LRIG2: variants seen among roughly 807,000 people sequenced by gnomAD.
LRIG2 encodes the protein leucine rich repeats and immunoglobulin like domains 2, also known as leucine-rich repeats and immunoglobulin-like domains protein 2.
Under a neutral mutation model 107.8 loss-of-function variants are expected in LRIG2, and 93 were observed. That is an observed-to-expected ratio of 0.86 (90% CI 0.73 to 1.03). The LOEUF is 1.03. Ranked by LOEUF, LRIG2 falls within the 50% of genes least tolerant of loss-of-function variation. The pLI is 0.00. For synonymous variants in LRIG2, 471 were observed against 470.6 expected, an observed-to-expected ratio of 1.00 and a Z score of -0.01; for missense variants, 1,226 against 1,296.0, an observed-to-expected ratio of 0.95 and a Z score of 0.83.
chr1:113,098,656 G>C (rs958874614), intron 8 of LRIG2, 49 bp from the exon 9 acceptor site: 1 of 1,099,490 alleles, frequency 9.1e-7, no homozygotes, highest in South Asian at 1.2e-5. Context: ...TCAATGTTGT[G>C]ATGGTTGTAT....
At position 113,098,058 on chromosome 1, in the gene LRIG2, G is replaced by A. The variant is rs564991984; in HGVS notation, c.1092-647G>A. ...AGCGATTAAATATTTTTAATTATAT[G>A]GAAATAATTCTTTTATCATAACATG... On this transcript the variant is annotated intron_variant, in intron 8 of 17. Coordinates refer to ENST00000361127, the MANE Select transcript of LRIG2 (RefSeq NM_014813.3). Among the ~76,000 whole-genome samples, 20 of 152,210 alleles carry A rather than the reference G, an allele frequency of 1.3e-4. 1 individual carries two copies. The South Asian group carries it at 4.1e-3, about 32-fold the overall frequency.
chr1:113,092,565 C>CTTTG (rs113085371), intron 2 of LRIG2, among the ~76,000 whole-genome samples: 139,083 of 152,090 alleles, frequency 0.91, 64,464 homozygotes, highest in Non-Finnish European at 0.98. Context: ...ATTATGCCTT[C>CTTTG]TTTAAGGACT....
intron 1 of LRIG2, among the ~76,000 whole-genome samples, chr1:113,083,001 C>G (rs925978272): frequency 7.9e-5 from 12 of 151,728 alleles, no homozygotes; most frequent in Non-Finnish European, 1.2e-4. Context: ...CTCAACCTCC[C>G]TGGGCTTTGA....
At position 113,118,910 on chromosome 1, in the gene LRIG2, C is replaced by T. The variant is rs534105645; in HGVS notation, c.2681-323C>T. The stretch of plus-strand genomic sequence containing the variant: ...AGATCTCCTTACCTTGTGATCTGCC[C>T]GCCTCGGCCTCCCAAAGTGCTGGGA... On this transcript the variant is annotated intron_variant, in intron 16 of 17. Transcript: ENST00000361127. Among the ~76,000 whole-genome samples, 259 of 152,084 alleles carry T rather than the reference C, an allele frequency of 1.7e-3. 1 individual carries two copies. The highest frequency in any genetic ancestry group is 3.0e-3 in the Non-Finnish European group (201 of 67,972).
Position 113,094,640 on chromosome 1 carries a change from G to A in LRIG2, c.688G>A (p.Val230Met). The change falls in exon 6 of 18, where the codon GTG becomes ATG. Residue 230 changes from valine to methionine, a missense_variant. Coordinates refer to ENST00000361127, the MANE Select transcript of LRIG2 (RefSeq NM_014813.3). The part of the protein sequence containing the change: ...LELKRNRIKI[V>M]EGLTFQGLDS... ...ACTTAAAAGAAACAGAATTAAAATT[G>A]TGGAAGGTCTTACATTCCAAGGGCT... 6.2e-7 allele frequency: 1 copy of A among 1,613,250 alleles called. No individual in the cohort carries two copies. Among genetic ancestry groups the A allele is most frequent in the Non-Finnish European group, 8.5e-7 (1 of 1,179,576 alleles).
At chr1:113,112,800 T>A in intron 14 of LRIG2, 40 bp downstream of exon 14, 1 of 1,546,684 alleles carries the variant, frequency 6.5e-7, no homozygotes, top group Non-Finnish European at 8.8e-7. Flanking sequence ...TTTGTTGGAG[T>A]CTTTGGGAGC....
intron 1 of LRIG2, among the ~76,000 whole-genome samples, chr1:113,075,317 C>T (rs958969969): frequency 1.3e-5 from 2 of 151,942 alleles, no homozygotes; most frequent in African/African-American, 2.4e-5. Context: ...AGAGGTGTTG[C>T]GGAGTTTAAG....
chr1:113,098,810 G>T, intron 9 of LRIG2, 25 bp downstream of exon 9: 1 of 1,314,534 alleles, frequency 7.6e-7, no homozygotes, highest in Non-Finnish European at 1.1e-6. Context: ...ATTTATGTAT[G>T]TCTACATAGG....
rs796604401 is a variant in LRIG2 at position 113,081,445 on chromosome 1, C to T, written c.239+7800C>T. Among the ~76,000 whole-genome samples, 60 of 151,480 alleles carry T rather than the reference C, an allele frequency of 4.0e-4. 1 individual carries two copies. The highest frequency in any genetic ancestry group is 1.3e-3 in the African/African-American group (53 of 41,248). On this transcript the variant is annotated intron_variant, in intron 1 of 17. Transcript: ENST00000361127. ...TTTTTGAGACAGAGTCCTGCTCTGTCGCCCAAGTAGCTGGGACTACAGGCA... is the reference window on the plus strand; with the variant it reads ...TTTTTGAGACAGAGTCCTGCTCTGTTGCCCAAGTAGCTGGGACTACAGGCA...
chr1:113,118,363 G>T (rs528973294), intron 16 of LRIG2, among the ~76,000 whole-genome samples: 6 of 152,210 alleles, frequency 3.9e-5, no homozygotes, highest in East Asian at 1.9e-4. Context: ...TGTCAGGCAG[G>T]ACTTCTCATT....
Position 113,095,917 on chromosome 1 carries a change from T to C in LRIG2, c.847T>C (p.Leu283=). 1 of 1,614,132 alleles carries C rather than the reference T, an allele frequency of 6.2e-7. No individual in the cohort carries two copies. The highest frequency in any genetic ancestry group is 8.5e-7 in the Non-Finnish European group (1 of 1,180,026). The change falls in exon 7 of 18, where the codon TTG becomes CTG. Residue 283 remains leucine, a synonymous_variant. Transcript: ENST00000361127. ...NNLTRVNKGW[L]YGLRMLQQLY... ...CCTTACACGAGTAAACAAGGGGTGG[T>C]TGTATGGCTTGCGAATGTTACAGCA...
intron 14 of LRIG2, 150 bp from the exon 15 acceptor site, chr1:113,114,277 G>T: frequency 1.8e-6 from 1 of 561,648 alleles, no homozygotes; most frequent in Non-Finnish European, 3.1e-6. Flanking sequence ...CTTTTTTCAG[G>T]ATTTTGTTCT....
intron 13 of LRIG2, among the ~76,000 whole-genome samples, chr1:113,112,072 A>T (rs559333208): frequency 6.9e-5 from 10 of 143,920 alleles, no homozygotes; most frequent in Admixed American, 2.2e-4. Flanking sequence ...ATCCTAGAAG[A>T]CACAGTCATC....
In LRIG2 at chr1:113,102,240, G is replaced by A. The variant is rs56274733; in HGVS notation, c.1313+1752G>A. ...TTAATCATCTTATTTCTCATTAGTCGTTCTCTTCATTTGTTCCAGTATTTT... is the reference window on the plus strand; with the variant it reads ...TTAATCATCTTATTTCTCATTAGTCATTCTCTTCATTTGTTCCAGTATTTT... On this transcript the variant is annotated intron_variant, in intron 11 of 17. Coordinates refer to ENST00000361127, the MANE Select transcript of LRIG2 (RefSeq NM_014813.3). 9.1e-3 allele frequency among the ~76,000 whole-genome samples: 1,364 copies of A among 149,424 alleles called. 22 individuals are homozygous for A. Among genetic ancestry groups the A allele is most frequent in the African/African-American group, 0.031 (1,279 of 40,702 alleles).
chr1:113,118,320 T>C (rs923833678), intron 16 of LRIG2, among the ~76,000 whole-genome samples: 1 of 152,222 alleles, frequency 6.6e-6, no homozygotes, highest in Non-Finnish European at 1.5e-5. Context: ...AGGGAGTTCA[T>C]TGTTAAACCT....
chr1:113,073,445 G>A lies in LRIG2; in HGVS notation c.39G>A (p.Leu13=), dbSNP rs2101005987. 1 of 1,614,158 alleles carries A rather than the reference G, an allele frequency of 6.2e-7. No homozygotes were observed. The highest frequency in any genetic ancestry group is 1.6e-4 in the Middle Eastern group (1 of 6,062). Residue 13 remains leucine, a synonymous_variant, in exon 1 of 18, where the codon TTG becomes TTA. Coordinates refer to ENST00000361127, the MANE Select transcript of LRIG2 (RefSeq NM_014813.3). ...PAPLGVPEEQ[L]LGCRSRVLSR... is the part of the protein sequence containing the mutation. ...CCCTAGGCGTCCCGGAGGAGCAGTT[G>A]CTGGGGTGTCGATCTAGAGTGCTTT...
At chr1:113,077,588 T>G (rs1485831469) in intron 1 of LRIG2, among the ~76,000 whole-genome samples, 1 of 152,214 alleles carries the variant, frequency 6.6e-6, no homozygotes, top group Non-Finnish European at 1.5e-5. Flanking sequence ...TTGCATTTGT[T>G]TCTTTATAAT....
intron 17 of LRIG2, among the ~76,000 whole-genome samples, chr1:113,121,760 G>A (rs1655267115): frequency 6.6e-6 from 1 of 151,740 alleles, no homozygotes; most frequent in Non-Finnish European, 1.5e-5. Flanking sequence ...AAAAAAGACA[G>A]GGTAGGAGGT....
At position 113,129,484 on chromosome 1, in the gene LRIG2, T is replaced by A. The variant is rs1655624020; in HGVS notation, c.*5383T>A. 1 of 151,932 alleles carries A rather than the reference T, an allele frequency of 6.6e-6. No individual in the cohort carries two copies. Among genetic ancestry groups the A allele is most frequent in the South Asian group, 2.1e-4 (1 of 4,820 alleles). 9.4% of individuals were successfully genotyped at this position (151,932 alleles called of 1,614,324 possible). On this transcript the variant is annotated 3_prime_UTR_variant, in exon 18 of 18. Coordinates refer to ENST00000361127, the MANE Select transcript of LRIG2 (RefSeq NM_014813.3). The stretch of plus-strand genomic sequence containing the variant: ...ATTCCTAGCTTGCCTAAATAACTAG[T>A]CAGCAATCTATTTAAATGTGAAGAG...
Sources: gnomAD v4.1 joint callset for allele counts (sites outside exome capture counted in the v4.1 genomes callset) on GRCh38, gnomAD v4.1.1 for gene constraint, MANE v1.5 for transcripts, NCBI Gene and HGNC (gene_info 2026-07-23, HGNC 2026-07-21) for gene names.